Variants in THOC2 observed in about 807,000 individuals in gnomAD.
The protein encoded by THOC2 is THO complex 2.
A neutral mutation model predicts 128.4 loss-of-function variants in THOC2; 10 were observed. The observed-to-expected ratio is 0.08, with a 90% confidence interval of 0.05 to 0.13. The LOEUF is 0.13. Ranked by LOEUF, THOC2 falls within the 10% of genes least tolerant of loss-of-function variation. The pLI, the probability that THOC2 is intolerant of heterozygous loss-of-function variation, is 1.00. For missense variants in THOC2, 535 were observed against 1,155.7 expected, an observed-to-expected ratio of 0.46 and a Z score of 7.79; for synonymous variants, 393 against 396.9, an observed-to-expected ratio of 0.99 and a Z score of 0.12.
At chrX:123,722,566 T>C (rs1280671845) in intron 1 of THOC2, among the ~76,000 whole-genome samples, 1 of 104,709 alleles carries the variant, frequency 9.6e-6, no homozygotes, top group Non-Finnish European at 2.0e-5. Context: ...TGGTGCCTGT[T>C]GGGGGTTGGG....
At chrX:123,684,861 T>C (rs2049941103) in intron 8 of THOC2, among the ~76,000 whole-genome samples, 1 of 112,357 alleles carries the variant, frequency 8.9e-6, no homozygotes, top group East Asian at 2.8e-4. Context: ...GTAGGTACTA[T>C]ATCATTTAAG....
chrX:123,635,682 AC>A (rs916264114), intron 19 of THOC2, among the ~76,000 whole-genome samples: 4 of 112,044 alleles, frequency 3.6e-5, no homozygotes, highest in Non-Finnish European at 7.5e-5. Flanking sequence ...TATTATATAC[AC>A]CCTCAAGATA....
At chrX:123,694,542 A>G (rs757331073) in intron 7 of THOC2, among the ~76,000 whole-genome samples, 9 of 106,820 alleles carry the variant, frequency 8.4e-5, no homozygotes, top group African/African-American at 2.7e-4. Flanking sequence ...CGGGAGGCAG[A>G]GGTTGCAGTG....
chrX:123,689,948 C>G (rs2050150621), intron 7 of THOC2, among the ~76,000 whole-genome samples: 1 of 110,687 alleles, frequency 9.0e-6, no homozygotes, highest in Non-Finnish European at 1.9e-5. Context: ...CTCCCTACCT[C>G]TACCACCAGC....
intron 8 of THOC2, among the ~76,000 whole-genome samples, chrX:123,683,328 C>T (rs2049865913): frequency 9.1e-6 from 1 of 110,497 alleles, no homozygotes; most frequent in Non-Finnish European, 1.9e-5. Context: ...CAAATAAGAC[C>T]CAGCTGGTCA....
intron 8 of THOC2, among the ~76,000 whole-genome samples, chrX:123,672,807 ATAAC>A (rs200922418): frequency 8.9e-6 from 1 of 112,303 alleles, no homozygotes; most frequent in Non-Finnish European, 1.9e-5. Flanking sequence ...ATAACTGGCA[ATAAC>A]TAACTGGCCA....
intron 8 of THOC2, among the ~76,000 whole-genome samples, chrX:123,684,078 C>T (rs1569419558): frequency 9.0e-6 from 1 of 110,724 alleles, no homozygotes; most frequent in Non-Finnish European, 1.9e-5. Flanking sequence ...CTGTTGACCC[C>T]CCCGGGTATA....
At position 123,697,670 on chromosome X, in the gene THOC2, T is replaced by A. The variant is rs1234501617; in HGVS notation, c.345+11A>T. On this transcript the variant is annotated intron_variant, in intron 5 of 38. Transcript: ENST00000245838. ...GATTTTTAAAAGGGAAAAATATTTT[T>A]AAAAACTTACCAAACATGCTAATAC... 1 of 1,001,564 alleles carries A rather than the reference T, an allele frequency of 1.0e-6. No individual in the cohort carries two copies. Among genetic ancestry groups the A allele is most frequent in the African/African-American group, 1.9e-5 (1 of 52,995 alleles). 82.5% of individuals were successfully genotyped at this position (1,001,564 alleles called of 1,213,427 possible).
chrX:123,626,796 C>T, intron 23 of THOC2, 134 bp from the exon 24 acceptor site: 7 of 531,556 alleles, frequency 1.3e-5, no homozygotes, highest in Non-Finnish European at 2.0e-5. Flanking sequence ...CTTGAACGTG[C>T]TACTTTTATC....
chrX:123,680,208 A>G (rs1487166676), intron 8 of THOC2, among the ~76,000 whole-genome samples: 2 of 111,823 alleles, frequency 1.8e-5, no homozygotes, highest in African/African-American at 6.5e-5. Flanking sequence ...AAACCCGATC[A>G]TATATTCCAT....
chrX:123,727,753 A>T (rs906289953), intron 1 of THOC2, among the ~76,000 whole-genome samples: 1 of 112,120 alleles, frequency 8.9e-6, no homozygotes, highest in African/African-American at 3.2e-5. Flanking sequence ...CTTACATGCC[A>T]CCACGCCAGG....
chrX:123,600,798 C>A lies in THOC2; in HGVS notation c.*559G>T, dbSNP rs1466022698. 2.7e-5 allele frequency: 3 copies of A among 112,011 alleles called. No homozygotes were observed. The highest frequency in any genetic ancestry group is 9.7e-5 in the African/African-American group (3 of 30,782). 9.2% of individuals were successfully genotyped at this position (112,011 alleles called of 1,213,427 possible). ...GGCAAGGGACAAGTGATCGCTGGTA[C>A]CTTTTTCTTTTTTAAACACGTTTAA... On this transcript the variant is annotated 3_prime_UTR_variant, in exon 39 of 39. Transcript: ENST00000245838.
At chrX:123,678,166 G>C (rs1434576117) in intron 8 of THOC2, among the ~76,000 whole-genome samples, 4 of 110,820 alleles carry the variant, frequency 3.6e-5, no homozygotes, top group African/African-American at 1.3e-4. Context: ...TGCCTGGTTT[G>C]TTTGTTTCAT....
chrX:123,696,136 G>T lies in THOC2; in HGVS notation c.486C>A (p.Phe162Leu). The change falls in exon 7 of 39, where the codon TTC becomes TTA. Residue 162 changes from phenylalanine (F) to leucine (L), a missense_variant. This residue lies in a region of THOC2 where 10 missense variants were observed against 63.0 expected (regional missense o/e 0.16). Coordinates refer to ENST00000245838, the MANE Select transcript of THOC2 (RefSeq NM_001081550.2). ...CTTCATTCTCTTCTCTTAACAAATTGAATTTTTGCTGCTTATAACTGAAAT... is the reference window on the plus strand; with the variant it reads ...CTTCATTCTCTTCTCTTAACAAATTTAATTTTTGCTGCTTATAACTGAAAT... ...KTKLFYKQQK[F>L]NLLREENEGY... 1 of 1,181,761 alleles carries T rather than the reference G, an allele frequency of 8.5e-7. No individual in the cohort carries two copies. The highest frequency in any genetic ancestry group is 1.1e-6 in the Non-Finnish European group (1 of 873,218).
chrX:123,646,982 C>T (rs936153246), intron 12 of THOC2, among the ~76,000 whole-genome samples: 1 of 111,775 alleles, frequency 8.9e-6, no homozygotes, highest in Non-Finnish European at 1.9e-5. Context: ...AATAAAGCGA[C>T]ACACAGTTTT....
At position 123,624,495 on chromosome X, in the gene THOC2, G is replaced by T. The variant is rs185662958; in HGVS notation, c.3186+46C>A. The T allele has an allele frequency of 7.3e-5, 84 of 1,144,990 alleles. No homozygotes were observed. The African/African-American group carries it at 1.3e-3, about 18-fold the overall frequency. 94.4% of individuals were successfully genotyped at this position (1,144,990 alleles called of 1,213,427 possible). On this transcript the variant is annotated intron_variant, in intron 26 of 38. Coordinates refer to ENST00000245838, the MANE Select transcript of THOC2 (RefSeq NM_001081550.2). ...AACTATCTAGATATTAATGGATGTG[G>T]TCATTATATACATGGGTAAAATATA...
Position 123,623,174 on chromosome X carries a change from C to G in THOC2, c.3613G>C (p.Gly1205Arg), listed in dbSNP as rs753209373. 1.7e-6 allele frequency: 2 copies of G among 1,211,537 alleles called. No individual in the cohort carries two copies. The highest frequency in any genetic ancestry group is 2.2e-6 in the Non-Finnish European group (2 of 895,246). The part of the protein sequence containing the change: ...NAVASVQNGP[G>R]GGPSSSSIGS... The stretch of plus-strand genomic sequence containing the variant: ...ATTGATGATGAAGAAGGCCCACCAC[C>G]AGGCCCATTTTGCACACTGGCAACT... Residue 1205 changes from glycine (G) to arginine (R), a missense_variant, in exon 29 of 39, where the codon GGT (glycine) becomes CGT (arginine). By Grantham distance (125) the Gly-to-Arg change is moderately radical (BLOSUM62 -2). Transcript: ENST00000245838.
At chrX:123,624,697 T>C in intron 25 of THOC2, 28 bp from the exon 26 acceptor site, 2 of 1,175,516 alleles carry the variant, frequency 1.7e-6, no homozygotes, top group Non-Finnish European at 2.3e-6. Context: ...TTAAAAAATA[T>C]AAACAAATCA....
chrX:123,649,657 A>G (rs1210879622), intron 12 of THOC2, among the ~76,000 whole-genome samples: 1 of 110,782 alleles, frequency 9.0e-6, no homozygotes, highest in Non-Finnish European at 1.9e-5. Flanking sequence ...TTCCTGAAGC[A>G]TACACAAGTA....
Sources: gnomAD v4.1 joint callset for allele counts (sites outside exome capture counted in the v4.1 genomes callset) on GRCh38, gnomAD v4.1.1 for gene constraint, gnomAD v4.1.1 regional missense constraint, MANE v1.5 for transcripts, NCBI Gene and HGNC (gene_info 2026-07-23, HGNC 2026-07-21) for gene names.